Variants in PRRC2B observed in about 807,000 individuals in gnomAD.
The protein encoded by PRRC2B is proline rich coiled-coil 2B, also known as protein PRRC2B.
PRRC2B carries 68 observed loss-of-function variants against 242.3 expected under a neutral mutation model. The ratio of observed to expected loss-of-function variants is 0.28; its 90% CI spans 0.23 to 0.34. The LOEUF (loss-of-function observed/expected upper bound fraction) is 0.34. Among genes scored for constraint, PRRC2B ranks in the 10% least tolerant of loss-of-function variants. The pLI is 1.00. For synonymous variants in PRRC2B, 1,228 were observed against 1,173.6 expected (o/e 1.05, Z -0.95); for missense variants, 2,835 against 2,954.8 (o/e 0.96, Z 0.94).
At position 131,488,029 on chromosome 9, in the gene PRRC2B, A is replaced by G; in HGVS notation, c.6158A>G (p.Tyr2053Cys). ...QPMSGNQALV[Y>C]EGQLSQAAGL... is the part of the protein sequence containing the mutation. ...ATGAGCGGGAACCAAGCCCTGGTCT[A>G]CGAGGGCCAGCTCAGCCAGGCTGCT... The change falls in exon 28 of 32, where the codon TAC (tyrosine) becomes TGC (cysteine). Residue 2053 changes from tyrosine (Y) to cysteine (C), a missense_variant. Physicochemically the swap from Tyr to Cys is radical, Grantham distance 194 (BLOSUM62 -2). Around this residue, in one of 7 missense-constraint regions of PRRC2B, gnomAD observed 574 missense variants for 626.0 expected, o/e 0.92. Transcript: ENST00000683519. The G allele has an allele frequency of 6.2e-7, 1 of 1,612,842 alleles. No homozygotes were observed. The highest frequency in any genetic ancestry group is 8.5e-7 in the Non-Finnish European group (1 of 1,179,396).
At chr9:131,448,787 T>C (rs77786504) in intron 9 of PRRC2B, among the ~76,000 whole-genome samples, 6,515 of 152,082 alleles carry the variant, frequency 0.043, 230 homozygotes, top group Admixed American at 0.11. Context: ...TTTTCTTTTA[T>C]AGTTCTTTTT....
chr9:131,475,570 C>T lies in PRRC2B; in HGVS notation c.3441C>T (p.Arg1147=). 8 of 1,612,876 alleles carry T rather than the reference C, an allele frequency of 5.0e-6. No individual in the cohort carries two copies. The highest frequency in any genetic ancestry group is 6.8e-6 in the Non-Finnish European group (8 of 1,179,846). Reference sequence around the variant, plus strand: ...CAGAGTATGAAGAACTTCCCAAGCGCCGCCGGCAGAGGGGCTCCGAGAACG... The same window carrying T: ...CAGAGTATGAAGAACTTCCCAAGCGTCGCCGGCAGAGGGGCTCCGAGAACG... ...EGSEYEELPK[R]RRQRGSENGN... The change falls in exon 16 of 32, where the codon CGC becomes CGT. Residue 1147 remains arginine (R), a synonymous_variant. Coordinates refer to ENST00000683519, the MANE Select transcript of PRRC2B (RefSeq NM_013318.4).
intron 1 of PRRC2B, among the ~76,000 whole-genome samples, chr9:131,402,144 C>T (rs1837243647): frequency 6.6e-6 from 1 of 151,968 alleles, no homozygotes; most frequent in Admixed American, 6.6e-5. Flanking sequence ...TTAGGAGAAA[C>T]GGAGTTTCGC....
Position 131,498,282 on chromosome 9 carries a change from G to A in PRRC2B, c.*2408G>A, listed in dbSNP as rs1013351576. 9 of 151,710 alleles carry A rather than the reference G, an allele frequency of 5.9e-5. No homozygotes were observed. Among genetic ancestry groups the A allele is most frequent in the African/African-American group, 1.2e-4 (5 of 41,252 alleles). The allele number at this position is 151,710 out of a possible 1,614,324, so 9.4% of individuals were successfully genotyped here. Reference sequence around the variant, plus strand: ...GTTGTAGGTCTAGGTGAAAAAAAAAGAAGTAAATGTTTCACTGCTCTATTT... The same window carrying A: ...GTTGTAGGTCTAGGTGAAAAAAAAAAAAGTAAATGTTTCACTGCTCTATTT... On this transcript the variant is annotated 3_prime_UTR_variant, in exon 32 of 32. Coordinates refer to ENST00000683519, the MANE Select transcript of PRRC2B (RefSeq NM_013318.4).
At chr9:131,492,863 C>T (rs754566414) in intron 30 of PRRC2B, among the ~76,000 whole-genome samples, 2 of 152,172 alleles carry the variant, frequency 1.3e-5, no homozygotes, top group African/African-American at 4.8e-5. Flanking sequence ...CTTTTCTGCC[C>T]GTGCTGGTGT....
chr9:131,486,980 G>A (rs1944041385), intron 26 of PRRC2B, among the ~76,000 whole-genome samples, 187 bp from the exon 27 acceptor site: 1 of 152,138 alleles, frequency 6.6e-6, no homozygotes, highest in Non-Finnish European at 1.5e-5. Context: ...GTGGTTTGGG[G>A]TTGCTACCAG....
intron 23 of PRRC2B, among the ~76,000 whole-genome samples, chr9:131,483,880 T>A (rs964586117): frequency 6.6e-6 from 1 of 152,296 alleles, no homozygotes; most frequent in East Asian, 1.9e-4. Flanking sequence ...GTTGCATCTG[T>A]TGTGGCCACT....
rs1944320403 is a variant in PRRC2B at position 131,495,850 on chromosome 9, C to CA, written c.6669dup (p.Val2224SerfsTer5). On this transcript the variant is annotated frameshift_variant, in exon 32 of 32. Transcript: ENST00000683519. LOFTEE classifies it high-confidence loss of function. The stretch of plus-strand genomic sequence containing the variant: ...CCGGAGCGATCAAGCCTCGGGCTGT[C>CA]AAAGTGGAGGAGAGTAAGGCCTGAC... 4 of 1,610,030 alleles carry CA rather than the reference C, an allele frequency of 2.5e-6. No homozygotes were observed. Among genetic ancestry groups the CA allele is most frequent in the African/African-American group, 1.3e-5 (1 of 74,884 alleles).
chr9:131,423,801 C>G (rs547455498), intron 1 of PRRC2B, among the ~76,000 whole-genome samples: 1 of 152,162 alleles, frequency 6.6e-6, no homozygotes, highest in Non-Finnish European at 1.5e-5. Context: ...TAATTGTCCT[C>G]GTAGGGGCTG....
chr9:131,446,562 CA>C lies in PRRC2B; in HGVS notation c.776del (p.Gln259ArgfsTer63). ...DSKDPSLRPA[Q>X]PVRKGASQFM... ...TAAGGACCCCTCTCTCCGCCCGGCT[CA>C]GCCTGTCCGAAAAGGGGCTTCACAG... On this transcript the variant is annotated frameshift_variant, in exon 7 of 32. Coordinates refer to ENST00000683519, the MANE Select transcript of PRRC2B (RefSeq NM_013318.4). LOFTEE classifies it high-confidence loss of function. The surrounding 1 kb of genome is among the most constrained non-coding windows in gnomAD (Gnocchi z 4.1). The C allele has an allele frequency of 9.9e-6, 16 of 1,614,010 alleles. No homozygotes were observed. The highest frequency in any genetic ancestry group is 1.4e-5 in the Non-Finnish European group (16 of 1,179,884).
At chr9:131,467,866 C>A in intron 13 of PRRC2B, 113 bp downstream of exon 13, 1 of 1,065,748 alleles carries the variant, frequency 9.4e-7, no homozygotes, top group Non-Finnish European at 1.3e-6. Context: ...CCAGAATATC[C>A]CTTATGTGCC....
chr9:131,419,876 G>A (rs1397949951), intron 1 of PRRC2B, among the ~76,000 whole-genome samples: 3 of 151,888 alleles, frequency 2.0e-5, no homozygotes, highest in Admixed American at 1.3e-4. Context: ...TGACCCTGGC[G>A]CGGTGGGGGG....
At chr9:131,444,530 C>G (rs1838723912) in intron 6 of PRRC2B, among the ~76,000 whole-genome samples, 1 of 152,188 alleles carries the variant, frequency 6.6e-6, no homozygotes, top group Non-Finnish European at 1.5e-5. Context: ...TTTTTTGTCT[C>G]TTGGGTTGGG....
chr9:131,379,070 A>G (rs537436651), intron 1 of PRRC2B, among the ~76,000 whole-genome samples: 1 of 152,244 alleles, frequency 6.6e-6, no homozygotes, highest in Non-Finnish European at 1.5e-5. Context: ...ATTTTGTACA[A>G]AGGGAATCAT....
At chr9:131,400,326 T>C (rs1837194774) in intron 1 of PRRC2B, among the ~76,000 whole-genome samples, 2 of 145,936 alleles carry the variant, frequency 1.4e-5, no homozygotes, top group Non-Finnish European at 3.0e-5. Flanking sequence ...CTTTTCTTTC[T>C]TTTTTTTTTT....
chr9:131,429,889 A>T (rs1032426331), intron 1 of PRRC2B, among the ~76,000 whole-genome samples: 3 of 152,050 alleles, frequency 2.0e-5, no homozygotes, highest in Non-Finnish European at 4.4e-5. Context: ...CGGGGTGTCT[A>T]CATAAATGCC....
rs755746003 is a variant in PRRC2B at position 131,464,986 on chromosome 9, G to A, written c.1628G>A (p.Gly543Asp). The A allele has an allele frequency of 7.4e-6, 12 of 1,613,880 alleles. No individual in the cohort carries two copies. The highest frequency in any genetic ancestry group is 1.6e-4 in the Middle Eastern group (1 of 6,084). ...AAGTGTAAGCAGGCACGAAAGGCAGGTGAGGCCCGGAAGCAGGCAGAGAAG... is the reference window on the plus strand; with the variant it reads ...AAGTGTAAGCAGGCACGAAAGGCAGATGAGGCCCGGAAGCAGGCAGAGAAG... ...DQKCKQARKA[G>D]EARKQAEKEV... The change falls in exon 12 of 32, where the codon GGT (glycine) becomes GAT (aspartate). Residue 543 changes from glycine to aspartate, a missense_variant. Gly to Asp is a moderately conservative substitution (Grantham distance 94). Transcript: ENST00000683519.
rs1489386498 is a variant in PRRC2B at position 131,475,850 on chromosome 9, C to G, written c.3721C>G (p.Pro1241Ala). 3 of 1,613,646 alleles carry G rather than the reference C, an allele frequency of 1.9e-6. No homozygotes were observed. The South Asian group carries it at 3.3e-5, about 18-fold the overall frequency. The change falls in exon 16 of 32, where the codon CCT (proline) becomes GCT (alanine). Residue 1241 changes from proline to alanine, a missense_variant. This residue lies in a region of PRRC2B where 1,536 missense variants were observed against 1,483.1 expected (regional missense o/e 1.04). Transcript: ENST00000683519. ...AGGCAGCTCTTGGCAGGAATATGGC[C>G]CTTCCGACACATGCGGATCCCGGCG... Reference protein sequence around the residue: ...SPGSSWQEYGPSDTCGSRRPT... With the variant: ...SPGSSWQEYGASDTCGSRRPT...
chr9:131,467,648 C>A lies in PRRC2B; in HGVS notation c.1806C>A (p.Asn602Lys), dbSNP rs1421756958. The A allele has an allele frequency of 1.7e-5, 27 of 1,613,838 alleles. No individual in the cohort carries two copies. The highest frequency in any genetic ancestry group is 2.7e-5 in the African/African-American group (2 of 74,926). ...PTVSPAVAQS[N>K]SSEEEAREAG... is the part of the protein sequence containing the mutation. ...TGTCCCCAGCAGTGGCACAGAGCAA[C>A]AGCAGTGAGGAAGAGGCCAGAGAGG... The change falls in exon 13 of 32, where the codon AAC (asparagine) becomes AAA (lysine). Residue 602 changes from asparagine (N) to lysine (K), a missense_variant. By Grantham distance (94) the Asn-to-Lys change is moderately conservative. This residue lies in a region of PRRC2B where 1,536 missense variants were observed against 1,483.1 expected (regional missense o/e 1.04). Coordinates refer to ENST00000683519, the MANE Select transcript of PRRC2B (RefSeq NM_013318.4).
Sources: gnomAD v4.1 joint callset for allele counts (sites outside exome capture counted in the v4.1 genomes callset) on GRCh38, gnomAD v4.1.1 for gene constraint, gnomAD v4.1.1 regional missense constraint, Gnocchi (gnomAD v3.1) non-coding constraint, MANE v1.5 for transcripts, NCBI Gene and HGNC (gene_info 2026-07-23, HGNC 2026-07-21) for gene names.